The following ENTHD1 variants were observed in gnomAD, a reference collection of about 807,000 sequenced individuals.
The protein encoded by ENTHD1 is ENTH domain containing 1.
ENTHD1 carries 23 observed loss-of-function variants against 39.1 expected under a neutral mutation model. That is an observed-to-expected ratio of 0.59 (90% confidence interval 0.42 to 0.83). The LOEUF is 0.83. Ranked by LOEUF, ENTHD1 falls within the 40% of genes least tolerant of loss-of-function variation. The probability of loss-of-function intolerance (pLI) is 0.00; values close to 1 mark genes in which losing one functional copy is unlikely to be tolerated. For missense variants in ENTHD1, 624 were observed against 705.4 expected (o/e 0.88, Z 1.31); for synonymous variants, 230 against 258.2 (o/e 0.89, Z 1.05).
intron 5 of ENTHD1, among the ~76,000 whole-genome samples, chr22:39,772,229 A>G (rs1345801476): frequency 6.6e-6 from 1 of 152,136 alleles, no homozygotes; most frequent in Non-Finnish European, 1.5e-5. Flanking sequence ...GCAGTTCATA[A>G]TAGGGTGCTC....
intron 2 of ENTHD1, among the ~76,000 whole-genome samples, chr22:39,863,094 C>T (rs1449015657): frequency 1.3e-5 from 2 of 152,154 alleles, no homozygotes; most frequent in Non-Finnish European, 2.9e-5. Flanking sequence ...AACCTGGACT[C>T]TCCAGCCTCC....
chr22:39,883,654 A>C (rs1328201193), intron 2 of ENTHD1, among the ~76,000 whole-genome samples: 1 of 152,142 alleles, frequency 6.6e-6, no homozygotes, highest in Non-Finnish European at 1.5e-5. Flanking sequence ...CAATATACAA[A>C]AATCATTTAA....
chr22:39,887,737 C>T lies in ENTHD1; in HGVS notation c.12G>A (p.Arg4=), dbSNP rs2066392124. The T allele has an allele frequency of 1.3e-6, 2 of 1,568,670 alleles. No homozygotes were observed. Among genetic ancestry groups the T allele is most frequent in the South Asian group, 1.2e-5 (1 of 82,244 alleles). MAF[R]RQVKNFVKNY... Reference sequence around the variant, plus strand: ...TTTTCACAAAGTTTTTCACTTGTCTCCTGAACGCCATAAGTAATACAAGTT... The same window carrying T: ...TTTTCACAAAGTTTTTCACTTGTCTTCTGAACGCCATAAGTAATACAAGTT... The change falls in exon 2 of 7, where the codon AGG becomes AGA. Residue 4 remains arginine (R), a synonymous_variant. Transcript: ENST00000325157.
At chr22:39,811,395 C>T (rs987871328) in intron 5 of ENTHD1, among the ~76,000 whole-genome samples, 3 of 152,176 alleles carry the variant, frequency 2.0e-5, no homozygotes, top group African/African-American at 7.2e-5. Context: ...AAGGGAAGTG[C>T]CTGAGGCAGA....
At chr22:39,746,725 A>T (rs778407083) in intron 6 of ENTHD1, among the ~76,000 whole-genome samples, 7 of 152,148 alleles carry the variant, frequency 4.6e-5, no homozygotes, top group Non-Finnish European at 1.0e-4. Context: ...AGGTCTAGCT[A>T]CCAGGGTGCT....
chr22:39,780,154 ACT>A (rs1257469129), intron 5 of ENTHD1, among the ~76,000 whole-genome samples: 1 of 152,128 alleles, frequency 6.6e-6, no homozygotes, highest in Non-Finnish European at 1.5e-5. Context: ...CAGGTGGATC[ACT>A]TGAGGTCAGG....
intron 6 of ENTHD1, chr22:39,751,277 G>T (rs1381936449): frequency 6.5e-6 from 1 of 154,284 alleles, no homozygotes; most frequent in African/African-American, 2.4e-5. Context: ...GTTGACCAAG[G>T]TATCAGCAAC....
At chr22:39,880,346 G>A (rs778031604) in intron 2 of ENTHD1, among the ~76,000 whole-genome samples, 32 of 152,172 alleles carry the variant, frequency 2.1e-4, no homozygotes, top group Non-Finnish European at 4.6e-4. Context: ...AATAAGCACA[G>A]CACAGAAAAA....
intron 3 of ENTHD1, among the ~76,000 whole-genome samples, chr22:39,849,495 C>A (rs2066018028): frequency 6.6e-6 from 1 of 152,128 alleles, no homozygotes; most frequent in Non-Finnish European, 1.5e-5. Context: ...TAAATCTAGA[C>A]AATTTGGAGA....
intron 3 of ENTHD1, among the ~76,000 whole-genome samples, chr22:39,856,611 A>G (rs1405876858): frequency 1.3e-5 from 2 of 152,206 alleles, no homozygotes; most frequent in Non-Finnish European, 2.9e-5. Flanking sequence ...TGATGCCATC[A>G]TTGACTAAAG....
intron 3 of ENTHD1, among the ~76,000 whole-genome samples, chr22:39,853,510 G>A (rs944137957): frequency 2.6e-5 from 4 of 152,058 alleles, no homozygotes; most frequent in Admixed American, 6.6e-5. Context: ...TAGCCTGGGC[G>A]ACAGAGTGAG....
intron 3 of ENTHD1, among the ~76,000 whole-genome samples, chr22:39,839,136 A>C (rs2065926490): frequency 6.6e-6 from 1 of 152,154 alleles, no homozygotes; most frequent in Admixed American, 6.5e-5. Flanking sequence ...TCAACTCAAA[A>C]ATGTGTGAGG....
At chr22:39,765,197 TG>T (rs2065265699) in intron 6 of ENTHD1, 25 bp downstream of exon 6, 3 of 1,553,922 alleles carry the variant, frequency 1.9e-6, no homozygotes, top group Non-Finnish European at 2.6e-6. Flanking sequence ...TGTGTGTGTG[TG>T]TGTGTGTGTG....
chr22:39,743,871 T>A lies in ENTHD1; in HGVS notation c.1632A>T (p.Ala544=). 1 of 1,614,198 alleles carries A rather than the reference T, an allele frequency of 6.2e-7. No homozygotes were observed. Among genetic ancestry groups the A allele is most frequent in the Non-Finnish European group, 8.5e-7 (1 of 1,180,018 alleles). Residue 544 remains alanine (A), a synonymous_variant, in exon 7 of 7, where the codon GCA becomes GCT. Coordinates refer to ENST00000325157, the MANE Select transcript of ENTHD1 (RefSeq NM_152512.4). The part of the protein sequence containing the change: ...STKDFPQEPE[A]KNSISVLLRE... ...TTAAAAGAACACTAATGGAATTCTT[T>A]GCTTCAGGTTCCTGGGGGAAGTCTT...
chr22:39,809,646 T>C (rs1045777159), intron 5 of ENTHD1, among the ~76,000 whole-genome samples: 1 of 152,210 alleles, frequency 6.6e-6, no homozygotes, highest in African/African-American at 2.4e-5. Context: ...GAGGACACTC[T>C]GTTCACTAAG....
Position 39,743,714 on chromosome 22 carries a change from G to T in ENTHD1, c.1789C>A (p.Pro597Thr), listed in dbSNP as rs1437646434. 12 of 1,613,280 alleles carry T rather than the reference G, an allele frequency of 7.4e-6. No individual in the cohort carries two copies. The highest frequency in any genetic ancestry group is 1.0e-5 in the Non-Finnish European group (12 of 1,179,660). Residue 597 changes from proline (P) to threonine (T), a missense_variant, in exon 7 of 7, where the codon CCC becomes ACC. Pro to Thr is a conservative substitution (Grantham distance 38, BLOSUM62 -1). Coordinates refer to ENST00000325157, the MANE Select transcript of ENTHD1 (RefSeq NM_152512.4). The stretch of plus-strand genomic sequence containing the variant: ...TCTGAGCTCCCCTCAGAAGACTGGG[G>T]GACCTGGGAAGACTGGCTTATTTGT... ...SSQISQSSQV[P>T]QSSEGSSDQI
chr22:39,806,524 T>A (rs1414188610), intron 5 of ENTHD1, among the ~76,000 whole-genome samples: 2 of 152,162 alleles, frequency 1.3e-5, no homozygotes. Flanking sequence ...TGTATTCAAT[T>A]GAGGGGCATT....
intron 4 of ENTHD1, among the ~76,000 whole-genome samples, chr22:39,830,586 G>T (rs2065861580): frequency 6.6e-6 from 1 of 152,038 alleles, no homozygotes; most frequent in Admixed American, 6.5e-5. Context: ...ACTAAGAAAA[G>T]CACTCTGAGC....
At chr22:39,828,705 C>G (rs1181309302) in intron 4 of ENTHD1, among the ~76,000 whole-genome samples, 1 of 152,156 alleles carries the variant, frequency 6.6e-6, no homozygotes, top group Admixed American at 6.6e-5. Flanking sequence ...ATTGTTGAAT[C>G]TCCTCAAACA....
Sources: gnomAD v4.1 joint callset for allele counts (sites outside exome capture counted in the v4.1 genomes callset) on GRCh38, gnomAD v4.1.1 for gene constraint, MANE v1.5 for transcripts, NCBI Gene and HGNC (gene_info 2026-07-23, HGNC 2026-07-21) for gene names.